The following TNFAIP8 variants were observed in gnomAD, a reference collection of about 807,000 sequenced individuals.
The protein encoded by TNFAIP8 is TNF alpha induced protein 8, also known as tumor necrosis factor alpha-induced protein 8.
TNFAIP8 carries 7 observed loss-of-function variants against 13.3 expected under a neutral mutation model. The observed-to-expected ratio is 0.52, with a 90% confidence interval of 0.30 to 0.99. The LOEUF is 0.99. Among genes scored for constraint, TNFAIP8 ranks in the 50% least tolerant of loss-of-function variants. TNFAIP8 has a pLI of 0.07. For missense variants in TNFAIP8, 258 were observed against 236.9 expected (o/e 1.09, Z -0.58); for synonymous variants, 94 against 87.6 (o/e 1.07, Z -0.41).
chr5:119,366,407 G>A (rs966139709), intron 1 of TNFAIP8, among the ~76,000 whole-genome samples: 4 of 152,208 alleles, frequency 2.6e-5, no homozygotes, highest in Non-Finnish European at 5.9e-5. Flanking sequence ...AAACAAGGAT[G>A]TGACATTGAG....
intron 1 of TNFAIP8, among the ~76,000 whole-genome samples, chr5:119,342,390 A>G (rs929195757): frequency 6.6e-6 from 1 of 152,188 alleles, no homozygotes; most frequent in East Asian, 1.9e-4. Flanking sequence ...AATTCTTGCA[A>G]ATGTGTTTTT....
At position 119,395,798 on chromosome 5, in the gene TNFAIP8, CGTGCTTAGG is replaced by C. The variant is rs1753059324; in HGVS notation, c.*2420_*2428del. The C allele has an allele frequency of 6.6e-6, 1 of 152,134 alleles. No individual in the cohort carries two copies. The highest frequency in any genetic ancestry group is 2.4e-5 in the African/African-American group (1 of 41,428). 9.4% of individuals were successfully genotyped at this position (152,134 alleles called of 1,614,324 possible). ...GCGTGGGAGCTGGGAAGAATCCCCA[CGTGCTTAGG>C]GTAGATAAATCTGAGCCGAGTTAAT... On this transcript the variant is annotated 3_prime_UTR_variant, in exon 2 of 2. Transcript: ENST00000504771.
chr5:119,355,089 C>A (rs1490806077), upstream of TNFAIP8: 16 of 530,578 alleles, frequency 3.0e-5, no homozygotes, highest in South Asian at 3.1e-4. Flanking sequence ...AAGGGGACTT[C>A]CTCTCAGCCA....
At chr5:119,369,635 A>T (rs1322357534) in intron 1 of TNFAIP8, among the ~76,000 whole-genome samples, 1 of 152,194 alleles carries the variant, frequency 6.6e-6, no homozygotes, top group African/African-American at 2.4e-5. Context: ...CTCTGGCCTC[A>T]TTGTTTGGTT....
intron 1 of TNFAIP8, among the ~76,000 whole-genome samples, chr5:119,296,001 G>A (rs1179529028): frequency 1.3e-5 from 2 of 149,982 alleles, no homozygotes; most frequent in South Asian, 2.1e-4. Flanking sequence ...TGCTGAAGTT[G>A]CTTATCAGCT....
At chr5:119,332,345 C>T (rs576792705) in intron 1 of TNFAIP8, among the ~76,000 whole-genome samples, 15 of 152,166 alleles carry the variant, frequency 9.9e-5, no homozygotes, top group African/African-American at 1.9e-4. Context: ...TCTCATCTTA[C>T]GGAAGTGCAA....
chr5:119,306,318 C>CTTTTTTTTTTTTTTTTTTTTTTTT (rs770923933), intron 1 of TNFAIP8: 4 of 121,758 alleles, frequency 3.3e-5, no homozygotes, highest in African/African-American at 1.7e-4. Context: ...TTCTTTCTTT[C>CTTTTTTTTTTTTTTTTTTTTTTTT]TTTTTCTTTT....
intron 1 of TNFAIP8, among the ~76,000 whole-genome samples, chr5:119,369,677 G>A (rs1391595988): frequency 6.6e-6 from 1 of 152,152 alleles, no homozygotes; most frequent in Non-Finnish European, 1.5e-5. Flanking sequence ...TACTCAATAG[G>A]TAGTTGTATC....
At chr5:119,304,489 A>C (rs1468111316) in intron 1 of TNFAIP8, among the ~76,000 whole-genome samples, 1 of 152,184 alleles carries the variant, frequency 6.6e-6, no homozygotes, top group East Asian at 1.9e-4. Context: ...ATGGTCCCTC[A>C]GTGACCCACA....
At chr5:119,291,512 T>TA (rs1554168259) in intron 1 of TNFAIP8, among the ~76,000 whole-genome samples, 2 of 152,280 alleles carry the variant, frequency 1.3e-5, no homozygotes, top group Non-Finnish European at 2.9e-5. Context: ...ATTTTATTTT[T>TA]AAAAACTCAT....
At chr5:119,312,745 C>CAAAAAAAAAA (rs869226026) in intron 1 of TNFAIP8, among the ~76,000 whole-genome samples, 249 of 42,654 alleles carry the variant, frequency 5.8e-3, no homozygotes, top group Non-Finnish European at 7.1e-3. Context: ...GCAAAAAATA[C>CAAAAAAAAAA]AAAAAAAAAA....
chr5:119,368,375 TAAAA>T (rs765256111), intron 1 of TNFAIP8, among the ~76,000 whole-genome samples: 1 of 143,782 alleles, frequency 7.0e-6, no homozygotes. Flanking sequence ...TCCTGTCTGT[TAAAA>T]AAAAAAACCC....
chr5:119,307,053 T>G (rs1159232028), intron 1 of TNFAIP8, among the ~76,000 whole-genome samples: 1 of 152,230 alleles, frequency 6.6e-6, no homozygotes, highest in East Asian at 1.9e-4. Context: ...TGAAATGATG[T>G]ACATTTTATA....
At position 119,295,610 on chromosome 5, in the gene TNFAIP8, C is replaced by T. The variant is rs556668570; in HGVS notation, c.1+26703C>T. ...TTGGCTTAGGATTGACTTGGCTATG[C>T]GGGCTCTTTTTTGGTTCCATATGAA... On this transcript the variant is annotated intron_variant, in intron 1 of 1. Transcript: ENST00000274456. 4.0e-3 allele frequency among the ~76,000 whole-genome samples: 615 copies of T among 151,990 alleles called. 4 individuals carry two copies. The highest frequency in any genetic ancestry group is 4.8e-3 in the Non-Finnish European group (325 of 67,920).
chr5:119,290,179 G>T (rs531501465), intron 1 of TNFAIP8, among the ~76,000 whole-genome samples: 3 of 127,710 alleles, frequency 2.3e-5, no homozygotes, highest in African/African-American at 1.1e-4. Context: ...GTCTGTTGCT[G>T]CATAACAGAT....
intron 1 of TNFAIP8, among the ~76,000 whole-genome samples, chr5:119,347,541 A>C (rs1480023496): frequency 6.6e-6 from 1 of 152,232 alleles, no homozygotes; most frequent in African/African-American, 2.4e-5. Context: ...AGTTTCTCAG[A>C]AAATGCATTC....
At chr5:119,388,596 ATAGT>A (rs1562035271) in intron 1 of TNFAIP8, among the ~76,000 whole-genome samples, 1 of 152,162 alleles carries the variant, frequency 6.6e-6, no homozygotes, top group Non-Finnish European at 1.5e-5. Flanking sequence ...AGGAGGTGTG[ATAGT>A]TAGCAAAGAA....
chr5:119,277,385 C>T (rs940430112), intron 1 of TNFAIP8, among the ~76,000 whole-genome samples: 1 of 152,036 alleles, frequency 6.6e-6, no homozygotes, highest in Admixed American at 6.5e-5. Context: ...AGTGTAGACA[C>T]AAGTTTCCAT....
chr5:119,381,662 A>G (rs1752489388), intron 1 of TNFAIP8, among the ~76,000 whole-genome samples: 1 of 152,308 alleles, frequency 6.6e-6, no homozygotes, highest in East Asian at 1.9e-4. Context: ...GAGCAGTCCC[A>G]GGGTCCCGGG....
Sources: gnomAD v4.1 joint callset for allele counts (sites outside exome capture counted in the v4.1 genomes callset) on GRCh38, gnomAD v4.1.1 for gene constraint, MANE v1.5 for transcripts, NCBI Gene and HGNC (gene_info 2026-07-23, HGNC 2026-07-21) for gene names.